Variants in ABLIM1 observed in about 807,000 individuals in gnomAD.
ABLIM1 encodes the protein actin-binding LIM protein 1.
Under a neutral mutation model 107.0 loss-of-function variants are expected in ABLIM1, and 40 were observed. The ratio of observed to expected loss-of-function variants is 0.37; its 90% CI spans 0.29 to 0.49. The LOEUF (loss-of-function observed/expected upper bound fraction) is 0.49, where lower values mean the gene tolerates loss of function less well. ABLIM1 is among the 20% of genes least tolerant of loss of function. The probability of loss-of-function intolerance (pLI) is 0.97; values close to 1 mark genes in which losing one functional copy is unlikely to be tolerated. For synonymous variants in ABLIM1, 357 were observed against 357.3 expected, an observed-to-expected ratio of 1.00 and a Z score of 0.01; for missense variants, 857 against 1,008.5, an observed-to-expected ratio of 0.85 and a Z score of 2.04.
chr10:114,693,936 T>G (rs2081142332), intron 1 of ABLIM1, among the ~76,000 whole-genome samples: 1 of 152,024 alleles, frequency 6.6e-6, no homozygotes, highest in Non-Finnish European at 1.5e-5. Context: ...GTGCTGGGAT[T>G]ACAGGCATCA....
upstream of ABLIM1, among the ~76,000 whole-genome samples, chr10:114,689,430 C>T (rs1402346999): frequency 2.0e-5 from 3 of 147,472 alleles, no homozygotes; most frequent in African/African-American, 7.5e-5. Context: ...GGCTCGATCT[C>T]GGCTCACTGC....
intron 2 of ABLIM1, among the ~76,000 whole-genome samples, chr10:114,601,503 C>T (rs1269399776): frequency 9.2e-5 from 14 of 151,952 alleles, no homozygotes; most frequent in Non-Finnish European, 1.3e-4. Context: ...TGACCTCAGG[C>T]GATCCACCCG....
intron 1 of ABLIM1, among the ~76,000 whole-genome samples, chr10:114,760,402 C>A (rs2082719551): frequency 8.2e-6 from 1 of 121,846 alleles, no homozygotes. Flanking sequence ...AAAATTTCTC[C>A]TTCACACACA....
intron 15 of ABLIM1, 91 bp from the exon 16 acceptor site, chr10:114,445,494 G>A: frequency 1.8e-6 from 2 of 1,127,550 alleles, no homozygotes; most frequent in Non-Finnish European, 2.7e-6. Context: ...TTGTTAGGCT[G>A]GCAAGGTCAG....
chr10:114,654,796 T>C (rs1416169380), intron 1 of ABLIM1, among the ~76,000 whole-genome samples: 1 of 152,232 alleles, frequency 6.6e-6, no homozygotes, highest in African/African-American at 2.4e-5. Flanking sequence ...CTAGTGATCC[T>C]CTGCATCTCT....
chr10:114,603,314 C>T lies in ABLIM1; in HGVS notation c.245-1353G>A, dbSNP rs569857875. Among the ~76,000 whole-genome samples, 27 of 152,238 alleles carry T rather than the reference C, an allele frequency of 1.8e-4. 2 individuals carry two copies. In the South Asian group the frequency reaches 5.4e-3, roughly 30 times the overall value. On this transcript the variant is annotated intron_variant, in intron 1 of 22. Transcript: ENST00000533213. ...CTGGCAAGAGTTTGAACAAGATAGT[C>T]CAAATAATCCATTACTAGCTAACTT...
intron 6 of ABLIM1, among the ~76,000 whole-genome samples, chr10:114,531,475 G>T (rs1285754791): frequency 6.6e-6 from 1 of 152,200 alleles, no homozygotes; most frequent in Non-Finnish European, 1.5e-5. Flanking sequence ...GACTCAACAT[G>T]TAAGCAACTT....
chr10:114,438,508 G>A (rs370831603), intron 21 of ABLIM1, among the ~76,000 whole-genome samples: 1 of 152,138 alleles, frequency 6.6e-6, no homozygotes, highest in East Asian at 1.9e-4. Context: ...CCATCTACCC[G>A]CCTTGGCCTT....
chr10:114,660,579 C>T (rs2079749796), upstream of ABLIM1, among the ~76,000 whole-genome samples: 1 of 152,024 alleles, frequency 6.6e-6, no homozygotes, highest in Non-Finnish European at 1.5e-5. Flanking sequence ...CCGAGGGCCA[C>T]CTCAGCCCTA....
At chr10:114,786,764 C>G in the ABLIM1 span, among the ~76,000 whole-genome samples, 1 of 152,206 alleles carries the variant, frequency 6.6e-6, no homozygotes, top group Non-Finnish European at 1.5e-5. Context: ...CCCGAGGTGC[C>G]GGGATTGCAG....
intron 1 of ABLIM1, among the ~76,000 whole-genome samples, chr10:114,753,032 C>G (rs1485474446): frequency 6.6e-6 from 1 of 152,188 alleles, no homozygotes; most frequent in Non-Finnish European, 1.5e-5. Flanking sequence ...AGCCGTAGAT[C>G]TCTCGCTGTC....
chr10:114,525,460 T>C (rs183862535), intron 6 of ABLIM1, among the ~76,000 whole-genome samples: 6 of 152,296 alleles, frequency 3.9e-5, no homozygotes, highest in Admixed American at 3.9e-4. Flanking sequence ...TCGAAAACAT[T>C]GGTCAAAACA....
At chr10:114,684,572 C>T (rs994968025) in exon 1 of ABLIM1, 8 of 1,344,528 alleles carry the variant, frequency 6.0e-6, no homozygotes, top group Non-Finnish European at 7.7e-6. Context: ...TCCTCATGTA[C>T]AGATTCTGCA....
chr10:114,597,485 GAAAGA>G (rs905044351), intron 2 of ABLIM1, among the ~76,000 whole-genome samples: 6 of 146,852 alleles, frequency 4.1e-5, no homozygotes, highest in South Asian at 2.1e-4. Flanking sequence ...ATGAAAGAAT[GAAAGA>G]AAAGAAAAGA....
chr10:114,531,340 T>C (rs556006809), intron 6 of ABLIM1, among the ~76,000 whole-genome samples: 5 of 152,222 alleles, frequency 3.3e-5, no homozygotes, highest in Admixed American at 1.3e-4. Flanking sequence ...CTGTACAAGG[T>C]AAGTATCATT....
intron 19 of ABLIM1, 74 bp from the exon 20 acceptor site, chr10:114,440,163 T>C: frequency 7.0e-7 from 1 of 1,433,312 alleles, no homozygotes; most frequent in Non-Finnish European, 9.8e-7. Flanking sequence ...ACAGACTATA[T>C]TATATTGAAA....
chr10:114,454,969 G>A (rs1327318356), intron 12 of ABLIM1, among the ~76,000 whole-genome samples: 1 of 152,140 alleles, frequency 6.6e-6, no homozygotes, highest in African/African-American at 2.4e-5. Flanking sequence ...TTTTGATAAA[G>A]TCCAATTTAT....
chr10:114,514,511 T>G (rs933324246), intron 6 of ABLIM1, among the ~76,000 whole-genome samples: 1 of 152,052 alleles, frequency 6.6e-6, no homozygotes, highest in African/African-American at 2.4e-5. Context: ...TAGTTGGGTC[T>G]ACAGATGCAT....
chr10:114,609,442 CTT>C (rs2140186982), intron 1 of ABLIM1, among the ~76,000 whole-genome samples: 1 of 152,314 alleles, frequency 6.6e-6, no homozygotes, highest in East Asian at 1.9e-4. Flanking sequence ...AAAATATTTC[CTT>C]CTCCTCCATG....
Sources: allele counts gnomAD v4.1 joint callset (sites outside exome capture counted in the v4.1 genomes callset), GRCh38; gene constraint gnomAD v4.1.1; transcripts MANE v1.5; gene names NCBI Gene and HGNC (gene_info 2026-07-23, HGNC 2026-07-21).